ATXN10: variants seen among roughly 807,000 people sequenced by gnomAD.
ATXN10 encodes ataxin-10.
ATXN10 carries 28 observed loss-of-function variants against 52.9 expected under a neutral mutation model. That is an observed-to-expected ratio of 0.53 (90% CI 0.39 to 0.73). The LOEUF (loss-of-function observed/expected upper bound fraction) is 0.73. Ranked by LOEUF, ATXN10 falls within the 30% of genes least tolerant of loss-of-function variation. The pLI, the probability that ATXN10 is intolerant of heterozygous loss-of-function variation, is 0.00. For synonymous variants in ATXN10, 226 were observed against 221.5 expected, an observed-to-expected ratio of 1.02 and a Z score of -0.18; for missense variants, 565 against 577.0, an observed-to-expected ratio of 0.98 and a Z score of 0.21.
At chr22:45,834,070 C>G (rs9614523) in intron 10 of ATXN10, among the ~76,000 whole-genome samples, 2,272 of 152,306 alleles carry the variant, frequency 0.015, 30 homozygotes, top group Non-Finnish European at 0.023. Context: ...CTGGCACATC[C>G]TGTGTCCTGG....
chr22:45,797,211 C>T (rs1034669524), intron 9 of ATXN10, among the ~76,000 whole-genome samples: 1 of 152,204 alleles, frequency 6.6e-6, no homozygotes, highest in Non-Finnish European at 1.5e-5. Context: ...GGAATACCAT[C>T]AGCCACCTTG....
rs1162682970 is a variant in ATXN10 at position 45,844,040 on chromosome 22, T to A, written c.*369T>A. ...TGTCCCTTCAGATGGCAAGTCAGCA[T>A]CATTCTTTATATTCCTCTTCTCATT... On this transcript the variant is annotated 3_prime_UTR_variant, in exon 12 of 12. Coordinates refer to ENST00000252934, the MANE Select transcript of ATXN10 (RefSeq NM_013236.4). 5 of 259,124 alleles carry A rather than the reference T, an allele frequency of 1.9e-5. No individual in the cohort carries two copies. The allele number at this position is 259,124 out of a possible 1,614,324, so 16.1% of individuals were successfully genotyped here.
In ATXN10 at chr22:45,828,704, G is replaced by T. The variant is rs1005197306; in HGVS notation, c.1238-14287G>T. 1.3e-5 allele frequency among the ~76,000 whole-genome samples: 2 copies of T among 152,144 alleles called. No homozygotes were observed. The highest frequency in any genetic ancestry group is 2.9e-5 in the Non-Finnish European group (2 of 68,022). Reference sequence around the variant, plus strand: ...CTATTATAAAATATGGATAGACCTAGTTATAGTAAGTACTATAGTAAGTAC... The same window carrying T: ...CTATTATAAAATATGGATAGACCTATTTATAGTAAGTACTATAGTAAGTAC... On this transcript the variant is annotated intron_variant, in intron 10 of 11. Transcript: ENST00000252934. The surrounding 1 kb of genome is among the most constrained non-coding windows in gnomAD (Gnocchi z 4.5).
Position 45,671,990 on chromosome 22 carries a change from C to T in ATXN10, c.-74C>T, listed in dbSNP as rs564088128. On this transcript the variant is annotated 5_prime_UTR_variant, in exon 1 of 12. Transcript: ENST00000252934. ...CCTCCTCGCCATCCTACTCCTCCCT[C>T]CTCGTCATCCTCCCCCTTCGTCCTC... is the stretch of plus-strand genomic sequence containing the variant. 57 of 1,491,774 alleles carry T rather than the reference C, an allele frequency of 3.8e-5. No homozygotes were observed. In the East Asian group the frequency reaches 6.3e-4, roughly 16 times the overall value. 92.4% of individuals were successfully genotyped at this position (1,491,774 alleles called of 1,614,324 possible). A position where few individuals can be genotyped will look rare whatever the true frequency, so the allele number is the denominator to read the frequency against.
chr22:45,762,925 G>A lies in ATXN10; in HGVS notation c.1173+22387G>A, dbSNP rs1286588871. Among the ~76,000 whole-genome samples the A allele has an allele frequency of 9.9e-5, 15 of 152,222 alleles. No homozygotes were observed. Among genetic ancestry groups the A allele is most frequent in the Admixed American group, 9.8e-4 (15 of 15,286 alleles). On this transcript the variant is annotated intron_variant, in intron 9 of 11. Coordinates refer to ENST00000252934, the MANE Select transcript of ATXN10 (RefSeq NM_013236.4). This position sits in a 1 kb window ranked among gnomAD's most constrained non-coding sequence, Gnocchi z 4.3. ...TGGACTGCAGAGGCATCACCTAGGG[G>A]CTTGTCTGAGATGCAGAGTCTCAGG...
At chr22:45,767,436 T>TAC (rs67341464) in intron 9 of ATXN10, among the ~76,000 whole-genome samples, 6,828 of 149,808 alleles carry the variant, frequency 0.046, 495 homozygotes, top group African/African-American at 0.16. Flanking sequence ...TAAATATACA[T>TAC]ACACACACAC....
rs1923851285 is a variant in ATXN10, at chr22:45,701,748, AACAGGC to A, written c.489-937_489-932del. Among the ~76,000 whole-genome samples the A allele has an allele frequency of 2.0e-5, 3 of 152,194 alleles. No individual in the cohort carries two copies. Among genetic ancestry groups the A allele is most frequent in the African/African-American group, 4.8e-5 (2 of 41,446 alleles). On this transcript the variant is annotated intron_variant, in intron 4 of 11. Coordinates refer to ENST00000252934, the MANE Select transcript of ATXN10 (RefSeq NM_013236.4). This position sits in a 1 kb window ranked among gnomAD's most constrained non-coding sequence, Gnocchi z 4.2. ...CATTCTTTGGTTGGGGAAGTAAAGG[AACAGGC>A]ACATAGGTTGTGATGTAAGAACTAA...
intron 9 of ATXN10, chr22:45,740,798 C>T (rs1925503479): frequency 4.9e-6 from 1 of 202,244 alleles, no homozygotes; most frequent in East Asian, 1.1e-4. Flanking sequence ...TCTTTGGAGC[C>T]TAGACAAATT....
chr22:45,727,927 G>T lies in ATXN10; in HGVS notation c.729-1498G>T, dbSNP rs1356300487. Among the ~76,000 whole-genome samples, 1 of 151,668 alleles carries T rather than the reference G, an allele frequency of 6.6e-6. No homozygotes were observed. Among genetic ancestry groups the T allele is most frequent in the African/African-American group, 2.4e-5 (1 of 41,222 alleles). On this transcript the variant is annotated intron_variant, in intron 6 of 11. Coordinates refer to ENST00000252934, the MANE Select transcript of ATXN10 (RefSeq NM_013236.4). This position sits in a 1 kb window ranked among gnomAD's most constrained non-coding sequence, Gnocchi z 4.6. ...TTCTGCTTGCTTTCGGTTTCCATTT[G>T]CATGAAATATCTTTTTCCACCCCCT...
intron 10 of ATXN10, among the ~76,000 whole-genome samples, chr22:45,815,320 T>TA (rs1928422451): frequency 6.6e-6 from 1 of 152,122 alleles, no homozygotes; most frequent in Non-Finnish European, 1.5e-5. Context: ...GAATAATAGT[T>TA]ACGTGGGGTA....
intron 6 of ATXN10, 128 bp from the exon 7 acceptor site, chr22:45,729,297 C>T (rs1924993487): frequency 4.4e-6 from 4 of 914,414 alleles, no homozygotes; most frequent in Non-Finnish European, 6.7e-6. Context: ...TTTTTCCTAG[C>T]TAGACATTAG....
rs1926092042 is a variant in ATXN10, at chr22:45,754,118, G to A, written c.1173+13580G>A. 6.6e-6 allele frequency among the ~76,000 whole-genome samples: 1 copy of A among 152,222 alleles called. No homozygotes were observed. Among genetic ancestry groups the A allele is most frequent in the Non-Finnish European group, 1.5e-5 (1 of 68,046 alleles). On this transcript the variant is annotated intron_variant, in intron 9 of 11. Coordinates refer to ENST00000252934, the MANE Select transcript of ATXN10 (RefSeq NM_013236.4). The surrounding 1 kb of genome is among the most constrained non-coding windows in gnomAD (Gnocchi z 5.4). ...AACCTGGGTTCCTGAGCCTTATGGG[G>A]TTAAGTGCAAAAGTGAGTCCTGTCA...
In ATXN10 at chr22:45,798,654, C is replaced by T. The variant is rs541090991; in HGVS notation, c.1174-8305C>T. 1.4e-4 allele frequency among the ~76,000 whole-genome samples: 22 copies of T among 152,148 alleles called. 1 individual carries two copies. The highest frequency in any genetic ancestry group is 2.2e-4 in the Non-Finnish European group (15 of 68,034). Reference sequence around the variant, plus strand: ...CTGCTCTCACCACTCCAGTAAACAACGTGCTGAAGGTCCAGAGCAACTCAC... The same window carrying T: ...CTGCTCTCACCACTCCAGTAAACAATGTGCTGAAGGTCCAGAGCAACTCAC... On this transcript the variant is annotated intron_variant, in intron 9 of 11. Transcript: ENST00000252934.
intron 10 of ATXN10, among the ~76,000 whole-genome samples, chr22:45,814,637 G>C (rs1012633513): frequency 1.3e-5 from 2 of 152,196 alleles, no homozygotes; most frequent in Non-Finnish European, 2.9e-5. Context: ...GAGAAATGCA[G>C]ATACATGTTT....
intron 3 of ATXN10, among the ~76,000 whole-genome samples, chr22:45,697,335 A>G (rs1024727339): frequency 6.6e-6 from 1 of 151,910 alleles, no homozygotes; most frequent in African/African-American, 2.4e-5. Flanking sequence ...GAGTTTCACC[A>G]CATTGGCCAG....
At position 45,732,449 on chromosome 22, in the gene ATXN10, C is replaced by T. The variant is rs1318475828; in HGVS notation, c.894+2859C>T. Among the ~76,000 whole-genome samples the T allele has an allele frequency of 6.6e-6, 1 of 151,986 alleles. No individual in the cohort carries two copies. The highest frequency in any genetic ancestry group is 2.4e-5 in the African/African-American group (1 of 41,398). ...ATTCCAGCCTGGGGAAGAGTGAGAT[C>T]CTGTCTCCAAAAAAAAAGAAAAAAT... On this transcript the variant is annotated intron_variant, in intron 7 of 11. Coordinates refer to ENST00000252934, the MANE Select transcript of ATXN10 (RefSeq NM_013236.4). This position sits in a 1 kb window ranked among gnomAD's most constrained non-coding sequence, Gnocchi z 4.5.
intron 3 of ATXN10, among the ~76,000 whole-genome samples, chr22:45,694,190 A>G (rs888066169): frequency 6.6e-5 from 10 of 152,286 alleles, no homozygotes; most frequent in African/African-American, 2.4e-4. Context: ...TAGACTCATT[A>G]GTAGAATGGT....
Position 45,681,127 on chromosome 22 carries a change from C to T in ATXN10, c.117-8585C>T, listed in dbSNP as rs1467958465. 1.3e-5 allele frequency among the ~76,000 whole-genome samples: 2 copies of T among 152,216 alleles called. No individual in the cohort carries two copies. The highest frequency in any genetic ancestry group is 2.9e-5 in the Non-Finnish European group (2 of 68,034). ...AAGAGACCTTTGGGTCAGTCTGCCT[C>T]ATTCCTTGAAGAGTTTAGCCCTGGC... On this transcript the variant is annotated intron_variant, in intron 1 of 11. Coordinates refer to ENST00000252934, the MANE Select transcript of ATXN10 (RefSeq NM_013236.4). This position sits in a 1 kb window ranked among gnomAD's most constrained non-coding sequence, Gnocchi z 4.2.
At chr22:45,734,867 T>TTG (rs1925228996) in intron 7 of ATXN10, among the ~76,000 whole-genome samples, 1 of 130,092 alleles carries the variant, frequency 7.7e-6, no homozygotes, top group Non-Finnish European at 1.6e-5. Context: ...TTGAAATGGG[T>TTG]TATATTATTA....
Sources: gnomAD v4.1 joint callset for allele counts (sites outside exome capture counted in the v4.1 genomes callset) on GRCh38, gnomAD v4.1.1 for gene constraint, Gnocchi (gnomAD v3.1) non-coding constraint, MANE v1.5 for transcripts, NCBI Gene and HGNC (gene_info 2026-07-23, HGNC 2026-07-21) for gene names.